Variants in PIK3AP1 observed in about 807,000 individuals in gnomAD.
PIK3AP1 encodes phosphoinositide 3-kinase adapter protein 1.
In PIK3AP1, 21 loss-of-function variants were observed where a neutral mutation model predicts 88.1. The ratio of observed to expected loss-of-function variants is 0.24; its 90% CI spans 0.17 to 0.34. PIK3AP1 has a LOEUF of 0.34. Ranked by LOEUF, PIK3AP1 falls within the 10% of genes least tolerant of loss-of-function variation. PIK3AP1 has a pLI of 1.00. For missense variants in PIK3AP1, 828 were observed against 1,035.7 expected, an observed-to-expected ratio of 0.80 and a Z score of 2.75; for synonymous variants, 398 against 400.0, an observed-to-expected ratio of 1.00 and a Z score of 0.06.
intron 2 of PIK3AP1, among the ~76,000 whole-genome samples, chr10:96,665,218 A>G (rs144833311): frequency 6.6e-6 from 1 of 152,322 alleles, no homozygotes; most frequent in East Asian, 1.9e-4. Flanking sequence ...ATTGAAAAAG[A>G]CTTTCTGTGT....
chr10:96,712,105 T>G (rs980870183), intron 1 of PIK3AP1, among the ~76,000 whole-genome samples: 1 of 152,130 alleles, frequency 6.6e-6, no homozygotes, highest in Non-Finnish European at 1.5e-5. Flanking sequence ...TGCAGTTTCA[T>G]TCTGTTTTGA....
intron 2 of PIK3AP1, among the ~76,000 whole-genome samples, chr10:96,677,475 A>G (rs1205363330): frequency 6.6e-6 from 1 of 151,918 alleles, no homozygotes; most frequent in Non-Finnish European, 1.5e-5. Flanking sequence ...CTTCCTCTGT[A>G]TTAAGACAGA....
In PIK3AP1 at chr10:96,628,436, C is replaced by T. The variant is rs760805333; in HGVS notation, c.1433G>A (p.Arg478Gln). The T allele has an allele frequency of 3.4e-5, 55 of 1,613,458 alleles. No individual in the cohort carries two copies. Among genetic ancestry groups the T allele is most frequent in the Admixed American group, 1.8e-4 (11 of 59,994 alleles). ...SNPIPGDGFSRATKDSMIRKF... is the reference protein window; with the variant it reads ...SNPIPGDGFSQATKDSMIRKF... ...GCGGATCATAGAGTCCTTAGTGGCCCGAGAGAAACCATCTCCAGGGATTGG... is the reference window on the plus strand; with the variant it reads ...GCGGATCATAGAGTCCTTAGTGGCCTGAGAGAAACCATCTCCAGGGATTGG... Residue 478 changes from arginine (R) to glutamine (Q), a missense_variant, in exon 9 of 17, where the codon CGG becomes CAG. Arg to Gln is a conservative substitution (Grantham distance 43). Coordinates refer to ENST00000339364, the MANE Select transcript of PIK3AP1 (RefSeq NM_152309.3).
At chr10:96,647,689 A>T (rs1042697332) in intron 7 of PIK3AP1, among the ~76,000 whole-genome samples, 1 of 152,204 alleles carries the variant, frequency 6.6e-6, no homozygotes, top group African/African-American at 2.4e-5. Flanking sequence ...ATTTTCCAAC[A>T]CAGAGCAGAG....
intron 8 of PIK3AP1, among the ~76,000 whole-genome samples, chr10:96,640,419 G>A (rs1843368717): frequency 6.6e-6 from 1 of 152,088 alleles, no homozygotes; most frequent in Non-Finnish European, 1.5e-5. Context: ...CAGTCACTGG[G>A]CAAGCTTTCA....
chr10:96,618,350 TG>T (rs1479482215), intron 12 of PIK3AP1, among the ~76,000 whole-genome samples: 3 of 152,206 alleles, frequency 2.0e-5, no homozygotes, highest in African/African-American at 4.8e-5. Context: ...TTTACCTTTC[TG>T]CAACAATGGA....
chr10:96,664,323 C>T (rs1232690259), intron 2 of PIK3AP1, among the ~76,000 whole-genome samples: 2 of 152,124 alleles, frequency 1.3e-5, no homozygotes, highest in East Asian at 1.9e-4. Flanking sequence ...ATAAAAAATG[C>T]ATTTTAAAAG....
rs1044346632 is a variant in PIK3AP1 at position 96,720,274 on chromosome 10, C to G, written c.13+108G>C. 9.1e-7 allele frequency: 1 copy of G among 1,095,130 alleles called. No homozygotes were observed. Among genetic ancestry groups the G allele is most frequent in the Admixed American group, 4.3e-5 (1 of 23,352 alleles). 67.8% of individuals were successfully genotyped at this position (1,095,130 alleles called of 1,614,324 possible). A position where few individuals can be genotyped will look rare whatever the true frequency, so the allele number is the denominator to read the frequency against. On this transcript the variant is annotated intron_variant, in intron 1 of 16. Coordinates refer to ENST00000339364, the MANE Select transcript of PIK3AP1 (RefSeq NM_152309.3). This position sits in a 1 kb window ranked among gnomAD's most constrained non-coding sequence, Gnocchi z 4.6. Reference sequence around the variant, plus strand: ...AAAAGAGCAGAAAGAGGGCAAGATCCCCGCACAGAGGACGCAAACAGAAGC... The same window carrying G: ...AAAAGAGCAGAAAGAGGGCAAGATCGCCGCACAGAGGACGCAAACAGAAGC...
At chr10:96,617,557 GAGA>G (rs1397028549) in intron 12 of PIK3AP1, among the ~76,000 whole-genome samples, 3 of 152,180 alleles carry the variant, frequency 2.0e-5, no homozygotes, top group South Asian at 2.1e-4. Context: ...TAGTGAACTA[GAGA>G]AGAAGGAACA....
At chr10:96,684,299 C>T (rs188468338) in intron 2 of PIK3AP1, among the ~76,000 whole-genome samples, 1 of 152,324 alleles carries the variant, frequency 6.6e-6, no homozygotes, top group East Asian at 1.9e-4. Flanking sequence ...AGTGAGAAGT[C>T]TTGCATATTA....
rs1564961141 is a variant in PIK3AP1 at position 96,628,875 on chromosome 10, C to CACACACACATATATACATATACAT, written c.1376-383_1376-382insATGTATATGTATATATGTGTGTGT. Among the ~76,000 whole-genome samples, 154 of 90,870 alleles carry CACACACACATATATACATATACAT rather than the reference C, an allele frequency of 1.7e-3. 18 individuals are homozygous for CACACACACATATATACATATACAT. Among genetic ancestry groups the CACACACACATATATACATATACAT allele is most frequent in the African/African-American group, 4.4e-3 (101 of 23,008 alleles). 59.6% of individuals were successfully genotyped at this position (90,870 alleles called of 152,430 possible). A position where few individuals can be genotyped will look rare whatever the true frequency, so the allele number is the denominator to read the frequency against. On this transcript the variant is annotated intron_variant, in intron 8 of 16. Transcript: ENST00000339364. ...ATATATACACACACACATATATACA[C>CACACACACATATATACATATACAT]ATATATATATATACATATATATATA...
chr10:96,611,987 T>C (rs1849118506), intron 13 of PIK3AP1, among the ~76,000 whole-genome samples: 1 of 152,236 alleles, frequency 6.6e-6, no homozygotes, highest in African/African-American at 2.4e-5. Flanking sequence ...CATGATTATA[T>C]TGCATAGTGC....
intron 13 of PIK3AP1, among the ~76,000 whole-genome samples, chr10:96,611,406 A>G (rs1292845748): frequency 6.6e-6 from 1 of 151,918 alleles, no homozygotes. Flanking sequence ...TAGCCCCCAC[A>G]GTATCTTAGA....
intron 2 of PIK3AP1, among the ~76,000 whole-genome samples, chr10:96,667,038 A>G (rs186812720): frequency 4.2e-4 from 64 of 152,338 alleles, no homozygotes; most frequent in South Asian, 1.0e-3. Flanking sequence ...GTTCCGAGCA[A>G]TGCTGCCCTG....
intron 13 of PIK3AP1, among the ~76,000 whole-genome samples, chr10:96,613,413 A>G (rs1849161075): frequency 6.6e-6 from 1 of 152,218 alleles, no homozygotes; most frequent in Non-Finnish European, 1.5e-5. Context: ...ACGTTCTCCC[A>G]TATAGATTGC....
intron 2 of PIK3AP1, among the ~76,000 whole-genome samples, chr10:96,669,783 A>AC (rs58881888): frequency 0.045 from 6,823 of 151,902 alleles, 514 homozygotes; most frequent in African/African-American, 0.16. Flanking sequence ...AAACAAACAA[A>AC]AAAAAAACCA....
At chr10:96,643,854 T>A (rs1443200377) in intron 8 of PIK3AP1, among the ~76,000 whole-genome samples, 2 of 152,192 alleles carry the variant, frequency 1.3e-5, no homozygotes, top group Non-Finnish European at 2.9e-5. Flanking sequence ...ACACTCAATA[T>A]AGCCCATTCC....
At chr10:96,709,147 A>C (rs573907749) in intron 2 of PIK3AP1, among the ~76,000 whole-genome samples, 4 of 151,700 alleles carry the variant, frequency 2.6e-5, no homozygotes, top group Non-Finnish European at 4.4e-5. Context: ...AAAAAAAAAA[A>C]AAACCCTTTT....
At chr10:96,619,776 G>T (rs1369494381) in intron 12 of PIK3AP1, among the ~76,000 whole-genome samples, 2 of 152,196 alleles carry the variant, frequency 1.3e-5, no homozygotes, top group Non-Finnish European at 2.9e-5. Context: ...TCTCCTGAGA[G>T]GTGGCCCCTG....
Sources: allele counts gnomAD v4.1 joint callset (sites outside exome capture counted in the v4.1 genomes callset), GRCh38; gene constraint gnomAD v4.1.1; non-coding constraint Gnocchi (gnomAD v3.1); transcripts MANE v1.5; gene names NCBI Gene and HGNC (gene_info 2026-07-23, HGNC 2026-07-21).